The following ATP2C2 variants were observed in gnomAD, a reference collection of about 807,000 sequenced individuals.
The protein encoded by ATP2C2 is calcium-transporting ATPase type 2C member 2.
A neutral mutation model predicts 110.8 loss-of-function variants in ATP2C2; 171 were observed. The ratio of observed to expected loss-of-function variants is 1.54; its 90% confidence interval spans 1.36 to 1.75. The LOEUF is 1.75. Among genes scored for constraint, ATP2C2 ranks in the 40% most tolerant of loss-of-function variants. The pLI, the probability that ATP2C2 is intolerant of heterozygous loss-of-function variation, is 0.00. For missense variants in ATP2C2, 1,963 were observed against 1,235.0 expected, an observed-to-expected ratio of 1.59 and a Z score of -8.84; for synonymous variants, 804 against 508.4, an observed-to-expected ratio of 1.58 and a Z score of -7.82.
chr16:84,442,248 C>A (rs187916804), intron 14 of ATP2C2, among the ~76,000 whole-genome samples: 49 of 152,234 alleles, frequency 3.2e-4, no homozygotes, highest in Admixed American at 3.2e-3. Context: ...CATTATCGGT[C>A]GCTCCCCGTT....
chr16:84,395,574 C>T (rs1597754272), intron 1 of ATP2C2, among the ~76,000 whole-genome samples: 3 of 149,966 alleles, frequency 2.0e-5, no homozygotes, highest in Admixed American at 2.0e-4. Flanking sequence ...TTCTCCCTGA[C>T]TCTGGCTCAT....
chr16:84,433,192 C>T (rs1352909913), intron 11 of ATP2C2, among the ~76,000 whole-genome samples: 1 of 152,090 alleles, frequency 6.6e-6, no homozygotes, highest in Non-Finnish European at 1.5e-5. Flanking sequence ...CCAGCCTAGA[C>T]AACATAGTGA....
chr16:84,433,259 T>A (rs1456118119), intron 11 of ATP2C2, among the ~76,000 whole-genome samples: 2 of 152,048 alleles, frequency 1.3e-5, no homozygotes, highest in African/African-American at 2.4e-5. Context: ...GGTGCACGCT[T>A]GTAGCCCCAG....
At chr16:84,412,438 ATGCATGTG>A (rs1906434576) in intron 6 of ATP2C2, among the ~76,000 whole-genome samples, 1 of 125,134 alleles carries the variant, frequency 8.0e-6, no homozygotes, top group African/African-American at 3.1e-5. Flanking sequence ...GCGTGTGTGT[ATGCATGTG>A]TGTGTCTGTG....
intron 16 of ATP2C2, among the ~76,000 whole-genome samples, chr16:84,448,124 G>T (rs1370555565): frequency 6.6e-6 from 1 of 152,026 alleles, no homozygotes; most frequent in East Asian, 1.9e-4. Context: ...AAGTGCTGGG[G>T]GTGGGTACAA....
At chr16:84,462,371 C>A in intron 26 of ATP2C2, 1 of 458,488 alleles carries the variant, frequency 2.2e-6, no homozygotes, top group Non-Finnish European at 3.8e-6. Flanking sequence ...GGTCTGGGGC[C>A]CAAGGGGCAC....
intron 1 of ATP2C2, among the ~76,000 whole-genome samples, chr16:84,385,934 T>C (rs937154629): frequency 2.0e-5 from 3 of 152,228 alleles, no homozygotes; most frequent in African/African-American, 7.2e-5. Context: ...AGAGTCCTAG[T>C]TGATTAAATA....
At chr16:84,378,388 A>G (rs1188831809) in intron 1 of ATP2C2, among the ~76,000 whole-genome samples, 3 of 152,052 alleles carry the variant, frequency 2.0e-5, no homozygotes, top group Non-Finnish European at 2.9e-5. Context: ...CTGGTGTGAA[A>G]GTGGAGGTGT....
At chr16:84,461,880 T>A in intron 25 of ATP2C2, 68 bp downstream of exon 25, 2 of 1,608,212 alleles carry the variant, frequency 1.2e-6, no homozygotes. Context: ...GCCCCGACCC[T>A]GCCCGCAGCA....
intron 1 of ATP2C2, among the ~76,000 whole-genome samples, chr16:84,388,197 T>TG (rs1283382667): frequency 6.6e-6 from 1 of 152,000 alleles, no homozygotes. Flanking sequence ...TGGTGGCAGG[T>TG]ACCTGTAACT....
At chr16:84,414,963 C>G (rs371759785) in intron 6 of ATP2C2, among the ~76,000 whole-genome samples, 2 of 151,954 alleles carry the variant, frequency 1.3e-5, no homozygotes, top group African/African-American at 4.8e-5. Flanking sequence ...TCAGCTGGGA[C>G]GGGCAAGCGG....
intron 1 of ATP2C2, among the ~76,000 whole-genome samples, chr16:84,384,913 G>T (rs1041342576): frequency 6.6e-6 from 1 of 152,194 alleles, no homozygotes; most frequent in African/African-American, 2.4e-5. Context: ...GCCGGGCTTG[G>T]TGATGCATGC....
chr16:84,461,687 C>G (rs749000573), intron 24 of ATP2C2, 27 bp from the exon 25 acceptor site: 4 of 1,601,070 alleles, frequency 2.5e-6, no homozygotes, highest in Non-Finnish European at 3.4e-6. Context: ...TCCCGCCTAA[C>G]CTCTCACCTT....
chr16:84,397,397 C>T (rs180892295), intron 1 of ATP2C2, among the ~76,000 whole-genome samples: 5 of 151,670 alleles, frequency 3.3e-5, no homozygotes, highest in East Asian at 3.9e-4. Flanking sequence ...CCTGGAAGTT[C>T]GAGGTTCAGG....
intron 1 of ATP2C2, among the ~76,000 whole-genome samples, chr16:84,375,536 G>C (rs933987199): frequency 1.2e-5 from 1 of 83,760 alleles, no homozygotes; most frequent in Non-Finnish European, 2.6e-5. Context: ...GCAAGACTCT[G>C]TCTCAAAAAA....
At chr16:84,400,395 C>T (rs1905246416) in intron 2 of ATP2C2, among the ~76,000 whole-genome samples, 1 of 150,088 alleles carries the variant, frequency 6.7e-6, no homozygotes, top group Non-Finnish European at 1.5e-5. Context: ...GGCGCGATCT[C>T]TGCTCACTGC....
rs1414955643 is a variant in ATP2C2, at chr16:84,439,420, G to A, written c.1112-7G>A. The A allele has an allele frequency of 4.3e-6, 7 of 1,614,050 alleles. No individual in the cohort carries two copies. The highest frequency in any genetic ancestry group is 5.1e-6 in the Non-Finnish European group (6 of 1,179,964). On this transcript the variant is annotated splice_region_variant and splice_polypyrimidine_tract_variant and intron_variant, in intron 12 of 26. Coordinates refer to ENST00000262429, the MANE Select transcript of ATP2C2 (RefSeq NM_014861.4). Reference sequence around the variant, plus strand: ...TCTCTTCTATAAACTGGTGTTTGTTGTACCAGGTTGCTGCAGCGTTCTCTG... The same window carrying A: ...TCTCTTCTATAAACTGGTGTTTGTTATACCAGGTTGCTGCAGCGTTCTCTG...
In ATP2C2 at chr16:84,453,178, G is replaced by A. The variant is rs568204998; in HGVS notation, c.1872G>A (p.Met624Ile). ...TGTGCAACGGGAAGCTGCAAGCCAT[G>A]TCCGGGGAGGAGGTGGACAGCGTGG... ...IGLCNGKLQA[M>I]SGEEVDSVEK... The change falls in exon 19 of 27, where the codon ATG (methionine) becomes ATA (isoleucine). Residue 624 changes from methionine to isoleucine, a missense_variant. Met to Ile is a conservative substitution (Grantham distance 10). Coordinates refer to ENST00000262429, the MANE Select transcript of ATP2C2 (RefSeq NM_014861.4). 214 of 1,613,950 alleles carry A rather than the reference G, an allele frequency of 1.3e-4. 3 individuals are homozygous for A. The South Asian group carries it at 2.1e-3, about 16-fold the overall frequency.
At position 84,383,098 on chromosome 16, in the gene ATP2C2, C is replaced by G. The variant is rs999438064; in HGVS notation, c.99+14384C>G. ...GCCCTGGAGCAAAGCTAGTGGGTTC[C>G]TGGGAGCCACTGTCCTTGTCATCTT... On this transcript the variant is annotated intron_variant, in intron 1 of 26. Coordinates refer to ENST00000262429, the MANE Select transcript of ATP2C2 (RefSeq NM_014861.4). 1.1e-4 allele frequency among the ~76,000 whole-genome samples: 17 copies of G among 152,276 alleles called. No individual in the cohort carries two copies. In the South Asian group the frequency reaches 1.2e-3, roughly 11 times the overall value.
Sources: gnomAD v4.1 joint callset for allele counts (sites outside exome capture counted in the v4.1 genomes callset) on GRCh38, gnomAD v4.1.1 for gene constraint, MANE v1.5 for transcripts, NCBI Gene and HGNC (gene_info 2026-07-23, HGNC 2026-07-21) for gene names.